Variants in SKP2 observed in about 807,000 individuals in gnomAD.
SKP2 encodes S-phase kinase associated protein 2.
In SKP2, 16 loss-of-function variants were observed where a neutral mutation model predicts 51.8. That is an observed-to-expected ratio of 0.31 (90% CI 0.21 to 0.47). The LOEUF is 0.47. SKP2 is among the 20% of genes least tolerant of loss of function. SKP2 has a pLI of 1.00. For missense variants in SKP2, 377 were observed against 505.3 expected, an observed-to-expected ratio of 0.75 and a Z score of 2.43; for synonymous variants, 176 against 198.6, an observed-to-expected ratio of 0.89 and a Z score of 0.96.
chr5:36,153,575 C>T (rs1345187746), intron 2 of SKP2, among the ~76,000 whole-genome samples: 1 of 152,130 alleles, frequency 6.6e-6, no homozygotes, highest in African/African-American at 2.4e-5. Flanking sequence ...TTTAATCACC[C>T]AACCCGAAAA....
At chr5:36,177,365 AT>A in intron 9 of SKP2, 73 bp downstream of exon 9, 1 of 898,908 alleles carries the variant, frequency 1.1e-6, no homozygotes, top group Non-Finnish European at 1.9e-6. Context: ...GTGAAAATCC[AT>A]TTTTATTAAT....
chr5:36,162,602 ACTC>A (rs1182681421), intron 2 of SKP2, among the ~76,000 whole-genome samples: 1 of 151,992 alleles, frequency 6.6e-6, no homozygotes, highest in Non-Finnish European at 1.5e-5. Flanking sequence ...CTGATTTACT[ACTC>A]CTTCCCAACA....
intron 2 of SKP2, among the ~76,000 whole-genome samples, chr5:36,154,670 A>G (rs1579545471): frequency 6.6e-6 from 1 of 152,308 alleles, no homozygotes; most frequent in African/African-American, 2.4e-5. Flanking sequence ...CTGAGACTAC[A>G]GGCATGCACC....
At chr5:36,176,406 C>G (rs1310867240) in intron 7 of SKP2, among the ~76,000 whole-genome samples, 1 of 151,126 alleles carries the variant, frequency 6.6e-6, no homozygotes, top group Non-Finnish European at 1.5e-5. Context: ...TACCAAGATT[C>G]AATTAAATAA....
intron 7 of SKP2, among the ~76,000 whole-genome samples, chr5:36,174,146 A>C (rs1745558393): frequency 6.6e-6 from 1 of 152,166 alleles, no homozygotes; most frequent in Non-Finnish European, 1.5e-5. Context: ...GATGAAGCAC[A>C]GAAACATTTG....
chr5:36,174,749 G>A (rs1284113285), intron 7 of SKP2, among the ~76,000 whole-genome samples: 1 of 152,084 alleles, frequency 6.6e-6, no homozygotes, highest in Non-Finnish European at 1.5e-5. Flanking sequence ...TTAAAGACAG[G>A]GCCTCTCTGA....
chr5:36,171,953 A>T (rs73751606), intron 7 of SKP2, among the ~76,000 whole-genome samples: 1,548 of 152,370 alleles, frequency 0.01, 39 homozygotes, highest in African/African-American at 0.036. Flanking sequence ...CTAACAGTAG[A>T]AACCTTTACA....
At position 36,182,296 on chromosome 5, in the gene SKP2, C is replaced by A; in HGVS notation, c.*265C>A. The A allele has an allele frequency of 8.4e-7, 1 of 1,191,408 alleles. No individual in the cohort carries two copies. The highest frequency in any genetic ancestry group is 1.0e-6 in the Non-Finnish European group (1 of 959,400). The allele number at this position is 1,191,408 out of a possible 1,614,324, so 73.8% of individuals were successfully genotyped here. A position where few individuals can be genotyped will look rare whatever the true frequency, so the allele number is the denominator to read the frequency against. On this transcript the variant is annotated 3_prime_UTR_variant, in exon 10 of 10. Coordinates refer to ENST00000274255, the MANE Select transcript of SKP2 (RefSeq NM_005983.4). ...AGAGTGAGCCTATAATTTCAAGATA[C>A]CTTAAAGAGCAAAATTTGAGCCACC...
chr5:36,177,695 A>T (rs1745678868), intron 9 of SKP2, among the ~76,000 whole-genome samples: 1 of 151,012 alleles, frequency 6.6e-6, no homozygotes, highest in Non-Finnish European at 1.5e-5. Flanking sequence ...CAAAACTTTC[A>T]TCTGGGCTTA....
At chr5:36,157,468 T>G (rs1162588056) in intron 2 of SKP2, among the ~76,000 whole-genome samples, 1 of 152,152 alleles carries the variant, frequency 6.6e-6, no homozygotes, top group Non-Finnish European at 1.5e-5. Flanking sequence ...TTTGCCCACC[T>G]TAGCCAAAAA....
Position 36,153,242 on chromosome 5 carries a change from A to ATG in SKP2, c.280+202_280+203dup, listed in dbSNP as rs1561529483. ...TATATATATATATATATATATATAT[A>ATG]TGTATGTTCTGGTGCATAATCACCT... is the stretch of plus-strand genomic sequence containing the variant. On this transcript the variant is annotated intron_variant, in intron 2 of 9. Transcript: ENST00000274255. Among the ~76,000 whole-genome samples, 5 of 132,918 alleles carry ATG rather than the reference A, an allele frequency of 3.8e-5. No homozygotes were observed. In the East Asian group the frequency reaches 1.1e-3, roughly 29 times the overall value. 87.2% of individuals were successfully genotyped at this position (132,918 alleles called of 152,430 possible). A position where few individuals can be genotyped will look rare whatever the true frequency, so the allele number is the denominator to read the frequency against.
intron 6 of SKP2, among the ~76,000 whole-genome samples, chr5:36,190,671 G>A (rs1746001275): frequency 1.4e-5 from 1 of 70,720 alleles, no homozygotes; most frequent in Admixed American, 1.8e-4. Context: ...GATGAAAAAC[G>A]TCAAACATAT....
Position 36,184,276 on chromosome 5 carries a change from T to C in SKP2, c.*2245T>C, listed in dbSNP as rs1362932560. On this transcript the variant is annotated 3_prime_UTR_variant, in exon 10 of 10. Transcript: ENST00000274255. ...CAGTCTTGTTATCTTTTTTTTTAAATTATACTTTAAGTTCTAGGGTACATG... is the reference window on the plus strand; with the variant it reads ...CAGTCTTGTTATCTTTTTTTTTAAACTATACTTTAAGTTCTAGGGTACATG... 4.8e-6 allele frequency: 1 copy of C among 210,108 alleles called. No individual in the cohort carries two copies. The highest frequency in any genetic ancestry group is 9.4e-6 in the Non-Finnish European group (1 of 106,406). The allele number at this position is 210,108 out of a possible 1,614,324, so 13.0% of individuals were successfully genotyped here. A position where few individuals can be genotyped will look rare whatever the true frequency, so the allele number is the denominator to read the frequency against.
At chr5:36,178,001 A>G (rs549137198) in intron 9 of SKP2, among the ~76,000 whole-genome samples, 1 of 152,284 alleles carries the variant, frequency 6.6e-6, no homozygotes, top group Admixed American at 6.5e-5. Flanking sequence ...AGTGCAAGAA[A>G]GCAGCAGCCT....
chr5:36,164,451 G>A (rs538580405), intron 3 of SKP2, among the ~76,000 whole-genome samples: 1 of 152,312 alleles, frequency 6.6e-6, no homozygotes, highest in East Asian at 1.9e-4. Context: ...AAAAGGCTAT[G>A]TTTATCAACT....
At chr5:36,190,225 TCCTGC>T (rs1745995010) in intron 6 of SKP2, among the ~76,000 whole-genome samples, 1 of 3,478 alleles carries the variant, frequency 2.9e-4, no homozygotes, top group Non-Finnish European at 4.0e-3. Flanking sequence ...GCACCCACTG[TCCTGC>T]ACCCACTGTC....
intron 6 of SKP2, among the ~76,000 whole-genome samples, chr5:36,170,868 T>C (rs1437449219): frequency 6.6e-6 from 1 of 152,218 alleles, no homozygotes. Context: ...TTCATAATAA[T>C]GTCAGCACAT....
In SKP2 at chr5:36,168,454, G is replaced by A. The variant is rs1171671356; in HGVS notation, c.671+7G>A. The A allele has an allele frequency of 6.2e-7, 1 of 1,613,930 alleles. No individual in the cohort carries two copies. Among genetic ancestry groups the A allele is most frequent in the Non-Finnish European group, 8.5e-7 (1 of 1,179,922 alleles). On this transcript the variant is annotated splice_region_variant and intron_variant, in intron 5 of 9. Transcript: ENST00000274255. ...TTTCGGATCCCATTGTCAAGTGAGTGGCAGGCAGAGTGTCACAAAGGCAGT... is the reference window on the plus strand; with the variant it reads ...TTTCGGATCCCATTGTCAAGTGAGTAGCAGGCAGAGTGTCACAAAGGCAGT...
chr5:36,154,442 T>G (rs780024841), intron 2 of SKP2, among the ~76,000 whole-genome samples: 4 of 152,082 alleles, frequency 2.6e-5, no homozygotes, highest in Non-Finnish European at 5.9e-5. Context: ...TGAGCAGAGT[T>G]GTGATGGGAC....
Sources: allele counts gnomAD v4.1 joint callset (sites outside exome capture counted in the v4.1 genomes callset), GRCh38; gene constraint gnomAD v4.1.1; transcripts MANE v1.5; gene names NCBI Gene and HGNC (gene_info 2026-07-23, HGNC 2026-07-21).